PACRG: variants seen among roughly 807,000 people sequenced by gnomAD.
The protein encoded by PACRG is parkin coregulated gene protein.
Under a neutral mutation model 29.7 loss-of-function variants are expected in PACRG, and 29 were observed. The observed-to-expected ratio is 0.98, with a 90% confidence interval of 0.73 to 1.33. The LOEUF (loss-of-function observed/expected upper bound fraction) is 1.33. PACRG is among the 40% of genes most tolerant of loss of function. The pLI, the probability that PACRG is intolerant of heterozygous loss-of-function variation, is 0.00. For missense variants in PACRG, 279 were observed against 316.2 expected, an observed-to-expected ratio of 0.88 and a Z score of 0.89; for synonymous variants, 116 against 118.7, an observed-to-expected ratio of 0.98 and a Z score of 0.15.
chr6:162,953,825 CTG>C (rs1160395594), intron 2 of PACRG, among the ~76,000 whole-genome samples: 2 of 152,026 alleles, frequency 1.3e-5, no homozygotes, highest in Admixed American at 6.6e-5. Flanking sequence ...TTCTCTAACT[CTG>C]TAGACTTCAG....
Position 163,091,288 on chromosome 6 carries a change from C to T in PACRG, c.613+1880C>T, listed in dbSNP as rs1025839793. ...TTGTTGGGAGCTCTAGACTACTAAA[C>T]AAAACAATTGGTTTCTACTGCTTTC... is the stretch of plus-strand genomic sequence containing the variant. On this transcript the variant is annotated intron_variant, in intron 4 of 4. Coordinates refer to ENST00000366888, the MANE Select transcript of PACRG (RefSeq NM_001080379.2). Among the ~76,000 whole-genome samples the T allele has an allele frequency of 3.3e-5, 5 of 152,292 alleles. No individual in the cohort carries two copies. The South Asian group carries it at 1.0e-3, about 32-fold the overall frequency.
Position 163,149,362 on chromosome 6 carries a change from C to T in PACRG, c.613+59954C>T, listed in dbSNP as rs1365764730. On this transcript the variant is annotated intron_variant, in intron 4 of 4. Transcript: ENST00000366888. ...AGCGCACTGGCCCGTCTGCCCTCCT[C>T]GCTCAAGTCTCCACCCGGTAGATTT... Among the ~76,000 whole-genome samples, 3 of 152,270 alleles carry T rather than the reference C, an allele frequency of 2.0e-5. No individual in the cohort carries two copies. In the East Asian group the frequency reaches 5.8e-4, roughly 29 times the overall value.
intron 1 of PACRG, among the ~76,000 whole-genome samples, chr6:162,745,102 T>A (rs566883707): frequency 2.6e-5 from 4 of 152,310 alleles, no homozygotes; most frequent in East Asian, 3.9e-4. Flanking sequence ...TAAAATGAAA[T>A]TTTTTAAAAA....
At position 163,251,421 on chromosome 6, in the gene PACRG, C is replaced by A. The variant is rs553909638; in HGVS notation, c.614-63406C>A. On this transcript the variant is annotated intron_variant, in intron 4 of 4. Coordinates refer to ENST00000366888, the MANE Select transcript of PACRG (RefSeq NM_001080379.2). The stretch of plus-strand genomic sequence containing the variant: ...GATGGAGAACACGTCGGGGACTTCC[C>A]GGAATGCAATGATTATGTATTTTAG... Among the ~76,000 whole-genome samples the A allele has an allele frequency of 6.2e-3, 942 of 152,210 alleles. 12 individuals carry two copies. Among genetic ancestry groups the A allele is most frequent in the African/African-American group, 0.022 (898 of 41,518 alleles).
chr6:163,303,951 G>A (rs1785098121), intron 4 of PACRG, among the ~76,000 whole-genome samples: 1 of 147,908 alleles, frequency 6.8e-6, no homozygotes, highest in South Asian at 2.1e-4. Context: ...GGAAGGTGGA[G>A]GTTGCAGCGA....
Position 162,852,858 on chromosome 6 carries a change from A to T in PACRG, c.291+38577A>T, listed in dbSNP as rs79780861. On this transcript the variant is annotated intron_variant, in intron 2 of 4. Coordinates refer to ENST00000366888, the MANE Select transcript of PACRG (RefSeq NM_001080379.2). ...CATTAATCAATAATTCTTTTTAGTG[A>T]TCTCATCACTGATAAACTGTCGGGT... Among the ~76,000 whole-genome samples the T allele has an allele frequency of 7.2e-5, 11 of 152,324 alleles. 1 individual carries two copies. The East Asian group carries it at 2.1e-3, about 29-fold the overall frequency.
intron 2 of PACRG, among the ~76,000 whole-genome samples, chr6:162,889,166 G>A (rs967375455): frequency 6.6e-6 from 1 of 152,058 alleles, no homozygotes; most frequent in Non-Finnish European, 1.5e-5. Context: ...CATATTTTGG[G>A]CTGTTATTCA....
At chr6:163,027,210 TCAG>T (rs1807213734) in intron 2 of PACRG, among the ~76,000 whole-genome samples, 1 of 152,222 alleles carries the variant, frequency 6.6e-6, no homozygotes, top group Non-Finnish European at 1.5e-5. Flanking sequence ...GTGTATTTTT[TCAG>T]ACAAACCCTG....
chr6:162,812,375 C>G (rs1391812633), intron 1 of PACRG, among the ~76,000 whole-genome samples: 2 of 151,978 alleles, frequency 1.3e-5, no homozygotes, highest in Admixed American at 1.3e-4. Context: ...AATAACAATA[C>G]ACACACACAT....
intron 4 of PACRG, among the ~76,000 whole-genome samples, chr6:163,169,823 T>C (rs1321045214): frequency 6.6e-6 from 1 of 152,166 alleles, no homozygotes; most frequent in Non-Finnish European, 1.5e-5. Context: ...CTGGGTGGCT[T>C]CCACAACACT....
intron 2 of PACRG, among the ~76,000 whole-genome samples, chr6:162,961,020 T>A (rs974395848): frequency 7.4e-6 from 1 of 134,916 alleles, no homozygotes; most frequent in African/African-American, 2.6e-5. Flanking sequence ...AGAGGTAGAA[T>A]AACTTTTTGG....
intron 4 of PACRG, among the ~76,000 whole-genome samples, chr6:163,140,859 G>A (rs1441952580): frequency 1.3e-5 from 2 of 152,138 alleles, no homozygotes. Context: ...CGAATCTGAA[G>A]AAGAACAAAT....
At chr6:163,021,949 CA>C (rs965557810) in intron 2 of PACRG, among the ~76,000 whole-genome samples, 4 of 152,202 alleles carry the variant, frequency 2.6e-5, no homozygotes, top group Admixed American at 2.6e-4. Flanking sequence ...TTTAATATCC[CA>C]AAATATTTGA....
chr6:163,278,324 G>A (rs1784119465), intron 4 of PACRG, among the ~76,000 whole-genome samples: 1 of 152,134 alleles, frequency 6.6e-6, no homozygotes, highest in Admixed American at 6.5e-5. Flanking sequence ...CTGTGCAGAA[G>A]CTTTTTAGTT....
chr6:163,124,209 A>G (rs910879101), intron 4 of PACRG, among the ~76,000 whole-genome samples: 3 of 152,188 alleles, frequency 2.0e-5, no homozygotes, highest in Admixed American at 6.5e-5. Flanking sequence ...TATCACATAC[A>G]TGGTTTGCAA....
chr6:162,792,214 C>A (rs1785009432), intron 1 of PACRG, among the ~76,000 whole-genome samples: 2 of 152,000 alleles, frequency 1.3e-5, no homozygotes, highest in African/African-American at 4.8e-5. Flanking sequence ...GCACAGCAAA[C>A]TAAGGGTGGG....
intron 2 of PACRG, among the ~76,000 whole-genome samples, chr6:162,974,146 C>T (rs570721347): frequency 4.6e-5 from 7 of 152,136 alleles, no homozygotes; most frequent in African/African-American, 7.2e-5. Context: ...CCTGCATTGA[C>T]GGGGCTCGCT....
intron 2 of PACRG, among the ~76,000 whole-genome samples, chr6:162,927,731 C>T (rs921691616): frequency 5.3e-5 from 8 of 152,048 alleles, no homozygotes; most frequent in Non-Finnish European, 2.9e-5. Context: ...AGCAAACCAC[C>T]ATGGAGCATG....
chr6:163,041,958 C>T (rs185654298), intron 2 of PACRG, among the ~76,000 whole-genome samples: 14 of 152,324 alleles, frequency 9.2e-5, no homozygotes, highest in African/African-American at 2.9e-4. Flanking sequence ...TTCCGCCTCC[C>T]GGGTTCAAGC....
Sources: allele counts gnomAD v4.1 joint callset (sites outside exome capture counted in the v4.1 genomes callset), GRCh38; gene constraint gnomAD v4.1.1; transcripts MANE v1.5; gene names NCBI Gene and HGNC (gene_info 2026-07-23, HGNC 2026-07-21).